The following PCSK6 variants were observed in gnomAD, a reference collection of about 807,000 sequenced individuals.
PCSK6 encodes paired basic amino acid cleaving enzyme 4.
A neutral mutation model predicts 123.3 loss-of-function variants in PCSK6; 85 were observed. That is an observed-to-expected ratio of 0.69 (90% CI 0.58 to 0.83). The LOEUF (loss-of-function observed/expected upper bound fraction) is 0.83, where lower values mean the gene tolerates loss of function less well. Ranked by LOEUF, PCSK6 falls within the 40% of genes least tolerant of loss-of-function variation. The pLI is 0.00. For synonymous variants in PCSK6, 508 were observed against 516.0 expected (o/e 0.98, Z 0.21); for missense variants, 1,191 against 1,282.3 (o/e 0.93, Z 1.09).
chr15:101,478,393 C>A (rs1486308301), intron 1 of PCSK6, among the ~76,000 whole-genome samples: 1 of 152,152 alleles, frequency 6.6e-6, no homozygotes, highest in African/African-American at 2.4e-5. Context: ...GACAGAGAGG[C>A]TGAGTACAGG....
intron 13 of PCSK6, among the ~76,000 whole-genome samples, chr15:101,362,463 T>C (rs2041259958): frequency 6.6e-6 from 1 of 152,070 alleles, no homozygotes; most frequent in East Asian, 1.9e-4. Context: ...ATGAGATCCC[T>C]GGATGGGAAC....
chr15:101,421,201 C>T (rs1213447805), intron 6 of PCSK6, among the ~76,000 whole-genome samples: 2 of 152,204 alleles, frequency 1.3e-5, no homozygotes, highest in African/African-American at 4.8e-5. Flanking sequence ...TCACCTCCGC[C>T]TCTCAAAGTG....
intron 6 of PCSK6, among the ~76,000 whole-genome samples, chr15:101,399,924 G>A (rs1320748022): frequency 6.6e-6 from 1 of 152,186 alleles, no homozygotes; most frequent in Non-Finnish European, 1.5e-5. Context: ...TATTTAAGAC[G>A]TAATGGAAAA....
intron 2 of PCSK6, among the ~76,000 whole-genome samples, chr15:101,439,610 G>T (rs974263751): frequency 5.3e-5 from 8 of 152,176 alleles, no homozygotes; most frequent in African/African-American, 1.9e-4. Flanking sequence ...ATGTGCTCTT[G>T]TCAGGAACTT....
At chr15:101,434,492 G>C (rs534177870) in intron 2 of PCSK6, among the ~76,000 whole-genome samples, 1 of 152,382 alleles carries the variant, frequency 6.6e-6, no homozygotes, top group South Asian at 2.1e-4. Flanking sequence ...GGATGGAAGA[G>C]CCTGGGCATC....
chr15:101,313,655 G>A lies in PCSK6; in HGVS notation c.2570-150C>T, dbSNP rs12591764. 6,152 of 1,213,376 alleles carry A rather than the reference G, an allele frequency of 5.1e-3. 281 individuals carry two copies. The East Asian group carries it at 0.098, about 19-fold the overall frequency. 75.2% of individuals were successfully genotyped at this position (1,213,376 alleles called of 1,614,324 possible). On this transcript the variant is annotated intron_variant, in intron 19 of 21. Transcript: ENST00000611716. The stretch of plus-strand genomic sequence containing the variant: ...TGCCATTTCCCAGGTTCTGTGAGCT[G>A]GGCCGTCCTCACCCACTCCCAGGAG...
Position 101,305,275 on chromosome 15 carries a change from A to C in PCSK6, c.2893T>G (p.Cys965Gly), listed in dbSNP as rs748772170. Residue 965 changes from cysteine to glycine, a missense_variant, in exon 22 of 22, where the codon TGC becomes GGC. This residue lies in a region of PCSK6 where 630 missense variants were observed against 631.4 expected (regional missense o/e 1.00). Coordinates refer to ENST00000611716, the MANE Select transcript of PCSK6 (RefSeq NM_002570.5). This position sits in a 1 kb window ranked among gnomAD's most constrained non-coding sequence, Gnocchi z 4.8. ...KLFIQFCCRTCLLAG is the reference protein window; with the variant it reads ...KLFIQFCCRTGLLAG ...AGGCACCCTTACCCGGCCAGGAGGC[A>C]CGTGCGGCAGCAGAACTGAATGAAG... 1 of 1,611,750 alleles carries C rather than the reference A, an allele frequency of 6.2e-7. No individual in the cohort carries two copies. Among genetic ancestry groups the C allele is most frequent in the Non-Finnish European group, 8.5e-7 (1 of 1,179,612 alleles).
At chr15:101,445,177 A>G (rs2056855678) in intron 1 of PCSK6, among the ~76,000 whole-genome samples, 1 of 152,168 alleles carries the variant, frequency 6.6e-6, no homozygotes, top group South Asian at 2.1e-4. Context: ...GCATTCAGCA[A>G]ATGCTGGTGG....
At chr15:101,479,940 C>G (rs1040929773) in intron 1 of PCSK6, among the ~76,000 whole-genome samples, 1 of 152,202 alleles carries the variant, frequency 6.6e-6, no homozygotes. Flanking sequence ...TTAGACTGTC[C>G]GCCTGTGGCA....
At chr15:101,307,451 G>A (rs776453135) in intron 20 of PCSK6, 126 bp from the exon 21 acceptor site, 12 of 659,726 alleles carry the variant, frequency 1.8e-5, no homozygotes, top group Non-Finnish European at 3.0e-5. Context: ...TCTGTGGAGA[G>A]GCTGTGTCGC....
chr15:101,316,872 T>C (rs563748726), intron 19 of PCSK6, among the ~76,000 whole-genome samples: 3 of 149,798 alleles, frequency 2.0e-5, no homozygotes, highest in South Asian at 2.1e-4. Flanking sequence ...TGAGGCACAG[T>C]AGTATCATGG....
rs188812221 is a variant in PCSK6, at chr15:101,386,857, G to A, written c.1311-2432C>T. 7.5e-4 allele frequency among the ~76,000 whole-genome samples: 114 copies of A among 152,352 alleles called. 1 individual carries two copies. The highest frequency in any genetic ancestry group is 1.4e-3 in the Non-Finnish European group (93 of 68,040). The stretch of plus-strand genomic sequence containing the variant: ...AATCCTGGATATCACCCACAAGTGG[G>A]ATTGCTGATCGTCTGGGGAGTCTGT... On this transcript the variant is annotated intron_variant, in intron 9 of 21. Coordinates refer to ENST00000611716, the MANE Select transcript of PCSK6 (RefSeq NM_002570.5).
chr15:101,439,715 C>T (rs2056703588), intron 2 of PCSK6, among the ~76,000 whole-genome samples: 3 of 152,250 alleles, frequency 2.0e-5, no homozygotes, highest in South Asian at 4.1e-4. Flanking sequence ...AACATTGCAT[C>T]ACTGCTGGAA....
chr15:101,415,973 T>G (rs2055874525), intron 6 of PCSK6, among the ~76,000 whole-genome samples: 3 of 152,238 alleles, frequency 2.0e-5, no homozygotes, highest in African/African-American at 7.2e-5. Context: ...GAAAATGGAC[T>G]AATACAGTAA....
intron 13 of PCSK6, among the ~76,000 whole-genome samples, chr15:101,344,887 T>C (rs2040695157): frequency 6.6e-6 from 1 of 152,124 alleles, no homozygotes; most frequent in Non-Finnish European, 1.5e-5. Context: ...AATGCCTGAC[T>C]TCAAGTGATC....
At chr15:101,345,802 G>A (rs929924967) in intron 13 of PCSK6, among the ~76,000 whole-genome samples, 5 of 152,108 alleles carry the variant, frequency 3.3e-5, no homozygotes, top group Admixed American at 3.3e-4. Flanking sequence ...TGAGTAGCTG[G>A]GATTATAGGC....
At chr15:101,307,516 C>T (rs1465439160) in intron 20 of PCSK6, 191 bp from the exon 21 acceptor site, 1 of 560,166 alleles carries the variant, frequency 1.8e-6, no homozygotes, top group Non-Finnish European at 3.2e-6. Context: ...TCCTGTCTGA[C>T]CTCACTATTG....
chr15:101,472,510 G>A (rs2057631629), intron 1 of PCSK6, among the ~76,000 whole-genome samples: 1 of 152,226 alleles, frequency 6.6e-6, no homozygotes, highest in South Asian at 2.1e-4. Context: ...TGACGCTGTG[G>A]GGAGAATGAC....
intron 1 of PCSK6, among the ~76,000 whole-genome samples, chr15:101,461,628 GAAGA>G (rs147665509): frequency 0.024 from 3,606 of 152,234 alleles, 155 homozygotes; most frequent in African/African-American, 0.081. Flanking sequence ...CAGCAACGAG[GAAGA>G]AAGATAGTCT....
Sources: gnomAD v4.1 joint callset for allele counts (sites outside exome capture counted in the v4.1 genomes callset) on GRCh38, gnomAD v4.1.1 for gene constraint, gnomAD v4.1.1 regional missense constraint, Gnocchi (gnomAD v3.1) non-coding constraint, MANE v1.5 for transcripts, NCBI Gene and HGNC (gene_info 2026-07-23, HGNC 2026-07-21) for gene names.